The following DIAPH2 variants were observed in gnomAD, a reference collection of about 807,000 sequenced individuals.
The protein encoded by DIAPH2 is diaphanous related formin 2.
In DIAPH2, 35 loss-of-function variants were observed where a neutral mutation model predicts 92.7. That is an observed-to-expected ratio of 0.38 (90% CI 0.29 to 0.50). The LOEUF (loss-of-function observed/expected upper bound fraction) is 0.50. Ranked by LOEUF, DIAPH2 falls within the 20% of genes least tolerant of loss-of-function variation. The pLI is 0.94. For synonymous variants in DIAPH2, 301 were observed against 280.4 expected (o/e 1.07, Z -0.73); for missense variants, 701 against 819.5 (o/e 0.86, Z 1.77).
chrX:97,460,082 C>T (rs1461290980), intron 26 of DIAPH2, among the ~76,000 whole-genome samples: 7 of 111,422 alleles, frequency 6.3e-5, no homozygotes. Flanking sequence ...AATTCAGGCC[C>T]GCAGACAATT....
At chrX:96,839,539 T>C (rs988869438) in intron 4 of DIAPH2, among the ~76,000 whole-genome samples, 8 of 111,722 alleles carry the variant, frequency 7.2e-5, no homozygotes, top group African/African-American at 2.6e-4. Context: ...AATTTTTTCC[T>C]ATGCTAATAA....
At chrX:96,685,309 C>A in intron 1 of DIAPH2, 119 bp downstream of exon 1, 2 of 824,099 alleles carry the variant, frequency 2.4e-6, no homozygotes, top group Non-Finnish European at 3.1e-6. Context: ...CCTCGCTGTG[C>A]AACTCGGGGA....
chrX:96,847,491 G>C (rs1254480308), intron 4 of DIAPH2, among the ~76,000 whole-genome samples: 1 of 111,908 alleles, frequency 8.9e-6, no homozygotes, highest in Admixed American at 9.5e-5. Flanking sequence ...TAAACTGGGA[G>C]ATGATGCTTA....
At chrX:97,212,528 A>G (rs12156682) in intron 22 of DIAPH2, among the ~76,000 whole-genome samples, 3 of 106,382 alleles carry the variant, frequency 2.8e-5, no homozygotes, top group African/African-American at 1.0e-4. Context: ...CCAAGATCCT[A>G]TTCTTACCTT....
chrX:97,361,536 CAT>C (rs2069325502), intron 24 of DIAPH2, among the ~76,000 whole-genome samples: 1 of 112,177 alleles, frequency 8.9e-6, no homozygotes, highest in Admixed American at 9.5e-5. Context: ...TGACATAAAA[CAT>C]AACTAAAATT....
rs1230154855 is a variant in DIAPH2 at position 96,766,214 on chromosome X, TATATATATATATATACAC to T, written c.447+7969_447+7986del. Among the ~76,000 whole-genome samples, 91 of 68,630 alleles carry T rather than the reference TATATATATATATATACAC, an allele frequency of 1.3e-3. 2 individuals are homozygous for T. The East Asian group carries it at 0.049, about 37-fold the overall frequency. The allele number at this position is 68,630 out of a possible 115,157, so 59.6% of individuals were successfully genotyped here. Reference sequence around the variant, plus strand: ...GCAGGCCAGCAGGCTATATGTAGTGTATATATATATATATACACATATATATATATTTCCCAGAGTGTT... The same window carrying T: ...GCAGGCCAGCAGGCTATATGTAGTGTATATATATATATTTCCCAGAGTGTT... On this transcript the variant is annotated intron_variant, in intron 4 of 26. Coordinates refer to ENST00000324765, the MANE Select transcript of DIAPH2 (RefSeq NM_006729.5).
intron 22 of DIAPH2, among the ~76,000 whole-genome samples, chrX:97,211,268 AGTC>A (rs1569330834): frequency 3.6e-5 from 4 of 111,313 alleles, no homozygotes; most frequent in Admixed American, 9.6e-5. Context: ...TATAAGATGA[AGTC>A]AGGGCATGAG....
At chrX:97,597,796 C>T (rs781583990) in intron 26 of DIAPH2, among the ~76,000 whole-genome samples, 1 of 111,768 alleles carries the variant, frequency 8.9e-6, no homozygotes, top group Non-Finnish European at 1.9e-5. Context: ...ATATCTCAAA[C>T]TAAATAATGG....
At chrX:96,746,184 G>T (rs918991286) in intron 3 of DIAPH2, among the ~76,000 whole-genome samples, 5 of 111,868 alleles carry the variant, frequency 4.5e-5, no homozygotes, top group Non-Finnish European at 9.4e-5. Flanking sequence ...ATAGGTATGA[G>T]CCACGGCACC....
At chrX:97,345,599 C>G (rs2069149757) in intron 23 of DIAPH2, among the ~76,000 whole-genome samples, 1 of 111,948 alleles carries the variant, frequency 8.9e-6, no homozygotes, top group African/African-American at 3.2e-5. Context: ...TATTAATACT[C>G]TATAGTAGAT....
At chrX:97,519,821 G>T (rs1413433824) in intron 26 of DIAPH2, among the ~76,000 whole-genome samples, 1 of 110,474 alleles carries the variant, frequency 9.1e-6, no homozygotes, top group Non-Finnish European at 1.9e-5. Context: ...CTCCCCCCAG[G>T]GTCAAGCGAT....
At chrX:96,900,132 G>A (rs182963055) in intron 5 of DIAPH2, among the ~76,000 whole-genome samples, 39 of 111,941 alleles carry the variant, frequency 3.5e-4, no homozygotes, top group Non-Finnish European at 5.3e-4. Flanking sequence ...ATGTGTTTGT[G>A]TTATCTGTGA....
intron 4 of DIAPH2, among the ~76,000 whole-genome samples, chrX:96,828,740 AC>A (rs1216947176): frequency 8.9e-5 from 10 of 111,855 alleles, no homozygotes; most frequent in Admixed American, 6.6e-4. Flanking sequence ...CCCTTTCAAT[AC>A]CAGGCAAATC....
At chrX:97,565,997 CT>C (rs1472167295) in intron 26 of DIAPH2, among the ~76,000 whole-genome samples, 1 of 112,193 alleles carries the variant, frequency 8.9e-6, no homozygotes, top group South Asian at 3.6e-4. Context: ...ATCTCCAACA[CT>C]TAGTACTATG....
At chrX:97,541,820 A>G (rs1008487012) in intron 26 of DIAPH2, among the ~76,000 whole-genome samples, 7 of 112,502 alleles carry the variant, frequency 6.2e-5, no homozygotes, top group Admixed American at 5.6e-4. Context: ...AAGAGAGTGG[A>G]CAGGAAACAT....
intron 20 of DIAPH2, among the ~76,000 whole-genome samples, chrX:97,105,816 AC>A (rs1157103344): frequency 2.0e-4 from 23 of 112,551 alleles, no homozygotes; most frequent in African/African-American, 7.4e-4. Context: ...CTATAATCTA[AC>A]AAAAAATGTT....
chrX:97,318,182 A>G (rs1164605675), intron 23 of DIAPH2, among the ~76,000 whole-genome samples: 1 of 111,466 alleles, frequency 9.0e-6, no homozygotes, highest in Admixed American at 9.6e-5. Flanking sequence ...TCTGTCGCAC[A>G]GGCTAGAGTG....
At chrX:97,264,867 C>A (rs748745733) in intron 23 of DIAPH2, among the ~76,000 whole-genome samples, 1 of 111,074 alleles carries the variant, frequency 9.0e-6, no homozygotes, top group South Asian at 3.9e-4. Context: ...ACCTGTAATC[C>A]CAGCTACTTG....
intron 22 of DIAPH2, among the ~76,000 whole-genome samples, chrX:97,162,189 C>A (rs1287676014): frequency 9.0e-6 from 1 of 110,735 alleles, no homozygotes; most frequent in Non-Finnish European, 1.9e-5. Flanking sequence ...ATCTAGCAAT[C>A]TTTTCGAATC....
Sources: allele counts gnomAD v4.1 joint callset (sites outside exome capture counted in the v4.1 genomes callset), GRCh38; gene constraint gnomAD v4.1.1; transcripts MANE v1.5; gene names NCBI Gene and HGNC (gene_info 2026-07-23, HGNC 2026-07-21).